UTRN: variants seen among roughly 807,000 people sequenced by gnomAD.
UTRN encodes the protein dystrophin-related protein 1.
In UTRN, 283 loss-of-function variants were observed where a neutral mutation model predicts 463.9. The ratio of observed to expected loss-of-function variants is 0.61; its 90% CI spans 0.55 to 0.67. The LOEUF is 0.67. Ranked by LOEUF, UTRN falls within the 30% of genes least tolerant of loss-of-function variation. The pLI is 0.00. For synonymous variants in UTRN, 1,442 were observed against 1,431.5 expected (o/e 1.01, Z -0.17); for missense variants, 3,922 against 4,084.3 (o/e 0.96, Z 1.08).
intron 2 of UTRN, among the ~76,000 whole-genome samples, chr6:144,369,453 C>G (rs1444506683): frequency 6.6e-6 from 1 of 152,142 alleles, no homozygotes; most frequent in East Asian, 1.9e-4. Context: ...CCCGTCTTTA[C>G]TAAAAATACA....
chr6:144,836,536 G>T lies in UTRN; in HGVS notation c.10060G>T (p.Glu3354Ter). Residue 3354 changes from glutamate to a stop codon, truncating the protein, a stop_gained, in exon 71 of 75, where the codon GAG (glutamate) becomes TAG (stop). Coordinates refer to ENST00000367545, the MANE Select transcript of UTRN (RefSeq NM_007124.3). LOFTEE classifies it high-confidence loss of function. ...SQLHRLRQLL[E>*]QPESDSRING... ...GCTCCACCGCCTCCGACAGCTGCTG[G>T]AGCAGGTAGGGTGTGTAGAATTCAG... The T allele has an allele frequency of 3.1e-6, 5 of 1,613,360 alleles. No homozygotes were observed. Among genetic ancestry groups the T allele is most frequent in the South Asian group, 1.1e-5 (1 of 90,998 alleles).
intron 11 of UTRN, among the ~76,000 whole-genome samples, chr6:144,438,221 C>T (rs776267272): frequency 2.0e-5 from 3 of 152,154 alleles, no homozygotes; most frequent in Middle Eastern, 3.2e-3. Context: ...AGCTGAGATT[C>T]AGCCACTGCA....
intron 51 of UTRN, among the ~76,000 whole-genome samples, chr6:144,597,701 A>G (rs867739332): frequency 3.9e-5 from 6 of 152,210 alleles, no homozygotes; most frequent in Admixed American, 3.9e-4. Flanking sequence ...GTCTTTATCT[A>G]TGAAAGAAGC....
At chr6:144,730,829 A>T (rs1788442246) in intron 54 of UTRN, among the ~76,000 whole-genome samples, 1 of 151,368 alleles carries the variant, frequency 6.6e-6, no homozygotes, top group Admixed American at 6.6e-5. Context: ...CAAGTAGTAG[A>T]AAGTTATTAA....
chr6:144,625,297 A>G (rs1358417938), intron 51 of UTRN, among the ~76,000 whole-genome samples: 1 of 152,204 alleles, frequency 6.6e-6, no homozygotes, highest in Non-Finnish European at 1.5e-5. Context: ...GCCTTCATCA[A>G]TATTTTAGAT....
chr6:144,482,324 A>G lies in UTRN; in HGVS notation c.3623A>G (p.Asn1208Ser). The G allele has an allele frequency of 6.2e-7, 1 of 1,607,934 alleles. No individual in the cohort carries two copies. Among genetic ancestry groups the G allele is most frequent in the Non-Finnish European group, 8.5e-7 (1 of 1,178,532 alleles). ...SGGQELTSELNVVLENYQLLC... is the reference protein window; with the variant it reads ...SGGQELTSELSVVLENYQLLC... The stretch of plus-strand genomic sequence containing the variant: ...GGCCAGGAGTTGACGTCTGAGCTGA[A>G]TGTTGTGCTGGAGAATTACCAACTT... Residue 1208 changes from asparagine to serine, a missense_variant, in exon 27 of 75, where the codon AAT (asparagine) becomes AGT (serine). Asn to Ser is a conservative substitution (Grantham distance 46). Coordinates refer to ENST00000367545, the MANE Select transcript of UTRN (RefSeq NM_007124.3).
chr6:144,514,878 T>A, intron 37 of UTRN, 58 bp downstream of exon 37: 1 of 1,528,900 alleles, frequency 6.5e-7, no homozygotes, highest in Non-Finnish European at 8.9e-7. Flanking sequence ...ATCTAAATGA[T>A]AGTCATACAG....
intron 65 of UTRN, among the ~76,000 whole-genome samples, chr6:144,806,405 G>A (rs1475943828): frequency 6.6e-6 from 1 of 152,132 alleles, no homozygotes; most frequent in African/African-American, 2.4e-5. Context: ...AGGCTTTGTA[G>A]TGATCTTATC....
intron 66 of UTRN, among the ~76,000 whole-genome samples, chr6:144,824,555 TTA>T (rs1779916715): frequency 8.2e-6 from 1 of 122,344 alleles, no homozygotes; most frequent in East Asian, 2.9e-4. Context: ...TGTATATATA[TTA>T]ATATAGCATT....
intron 65 of UTRN, among the ~76,000 whole-genome samples, chr6:144,803,350 T>G (rs906461893): frequency 2.6e-5 from 4 of 152,036 alleles, no homozygotes; most frequent in Non-Finnish European, 5.9e-5. Flanking sequence ...GTGTTTTGAT[T>G]TTAAACTTTT....
intron 71 of UTRN, 144 bp downstream of exon 71, chr6:144,836,685 T>C (rs375197279): frequency 8.4e-6 from 11 of 1,312,352 alleles, no homozygotes; most frequent in African/African-American, 6.0e-5. Flanking sequence ...GCTTAGAAAT[T>C]TCCTTTTACA....
chr6:144,755,644 ATTCCT>A (rs1791910374), intron 57 of UTRN, among the ~76,000 whole-genome samples: 1 of 152,198 alleles, frequency 6.6e-6, no homozygotes, highest in Non-Finnish European at 1.5e-5. Flanking sequence ...ATAAATATTA[ATTCCT>A]TTCCTTTCAT....
At chr6:144,663,223 A>G (rs1323631838) in intron 51 of UTRN, among the ~76,000 whole-genome samples, 3 of 152,156 alleles carry the variant, frequency 2.0e-5, no homozygotes, top group Non-Finnish European at 4.4e-5. Flanking sequence ...GGATGACCCC[A>G]TACCAAGATG....
At chr6:144,615,149 A>G (rs6904051) in intron 51 of UTRN, among the ~76,000 whole-genome samples, 4,759 of 152,234 alleles carry the variant, frequency 0.031, 249 homozygotes, top group African/African-American at 0.11. Flanking sequence ...AAATACTTAC[A>G]TTGAAAGAAT....
chr6:144,474,077 G>T (rs975935427), intron 24 of UTRN, among the ~76,000 whole-genome samples: 2 of 151,522 alleles, frequency 1.3e-5, no homozygotes, highest in Non-Finnish European at 2.9e-5. Flanking sequence ...GAACAATTTT[G>T]GTTCATTAGG....
At chr6:144,583,667 A>C (rs1802195177) in intron 51 of UTRN, 1 of 486,960 alleles carries the variant, frequency 2.1e-6, no homozygotes, top group Non-Finnish European at 3.8e-6. Flanking sequence ...AGGCTCTAAA[A>C]ACTAATCTTT....
At chr6:144,412,762 T>C (rs562400890) in intron 3 of UTRN, among the ~76,000 whole-genome samples, 2 of 144,270 alleles carry the variant, frequency 1.4e-5, no homozygotes, top group South Asian at 2.2e-4. Flanking sequence ...ACACACACCA[T>C]ACACACACAC....
At chr6:144,675,990 T>G (rs1028016929) in intron 51 of UTRN, among the ~76,000 whole-genome samples, 6 of 152,160 alleles carry the variant, frequency 3.9e-5, no homozygotes, top group Non-Finnish European at 8.8e-5. Context: ...TTAAAAAAAT[T>G]TATAATAATT....
intron 62 of UTRN, among the ~76,000 whole-genome samples, chr6:144,792,023 A>G (rs1351001245): frequency 6.6e-6 from 1 of 152,230 alleles, no homozygotes; most frequent in African/African-American, 2.4e-5. Flanking sequence ...ATTTTTGTCT[A>G]TGATAGTCTT....
Sources: allele counts gnomAD v4.1 joint callset (sites outside exome capture counted in the v4.1 genomes callset), GRCh38; gene constraint gnomAD v4.1.1; transcripts MANE v1.5; gene names NCBI Gene and HGNC (gene_info 2026-07-23, HGNC 2026-07-21).